Variants in CYB5R3 observed in about 807,000 individuals in gnomAD.
CYB5R3 encodes NADH-cytochrome b5 reductase 3.
CYB5R3 carries 28 observed loss-of-function variants against 36.5 expected under a neutral mutation model. The ratio of observed to expected loss-of-function variants is 0.77; its 90% CI spans 0.57 to 1.05. The LOEUF is 1.05. Among genes scored for constraint, CYB5R3 ranks in the 50% least tolerant of loss-of-function variants. CYB5R3 has a pLI of 0.00. For missense variants in CYB5R3, 474 were observed against 408.9 expected (o/e 1.16, Z -1.37); for synonymous variants, 181 against 159.8 (o/e 1.13, Z -1.00).
intron 7 of CYB5R3, among the ~76,000 whole-genome samples, chr22:42,626,831 G>A (rs137135): frequency 1.2e-4 from 10 of 83,538 alleles, no homozygotes; most frequent in South Asian, 7.7e-4. Context: ...AGGCCAGGGC[G>A]GGCAGGCAGG....
Position 42,630,884 on chromosome 22 carries a change from T to G in CYB5R3, c.331A>C (p.Lys111Gln). 4 of 1,612,102 alleles carry G rather than the reference T, an allele frequency of 2.5e-6. No homozygotes were observed. The highest frequency in any genetic ancestry group is 2.2e-5 in the South Asian group (2 of 90,492). Residue 111 changes from lysine (K) to glutamine (Q), a missense_variant and splice_region_variant, in exon 4 of 9, where the codon AAG becomes CAG. By Grantham distance (53) the Lys-to-Gln change is moderately conservative. Coordinates refer to ENST00000352397, the MANE Select transcript of CYB5R3 (RefSeq NM_000398.7). ...DDKGFVDLVIKVYFKDTHPKF... is the reference protein window; with the variant it reads ...DDKGFVDLVIQVYFKDTHPKF... The stretch of plus-strand genomic sequence containing the variant: ...CAGTCATGACCCAGAGGCTTCACCT[T>G]GATGACCAGGTCCACGAAGCCCTTG...
chr22:42,626,976 C>T (rs1181728712), intron 7 of CYB5R3, among the ~76,000 whole-genome samples: 1 of 152,162 alleles, frequency 6.6e-6, no homozygotes, highest in Non-Finnish European at 1.5e-5. Flanking sequence ...CATGTCCAGG[C>T]CAGCATTCTT....
intron 1 of CYB5R3, chr22:42,644,696 G>A (rs910761260): frequency 2.0e-6 from 2 of 983,054 alleles, no homozygotes; most frequent in Admixed American, 6.2e-5. Context: ...GTGGAATAGA[G>A]TCTAGGGAAA....
chr22:42,629,860 T>G (rs773217216), intron 4 of CYB5R3, among the ~76,000 whole-genome samples: 36 of 152,162 alleles, frequency 2.4e-4, no homozygotes, highest in Admixed American at 1.2e-3. Flanking sequence ...TACAGTAGCA[T>G]GATCTTGGCT....
Position 42,619,822 on chromosome 22 carries a change from G to T in CYB5R3, c.857C>A (p.Pro286His). The T allele has an allele frequency of 6.2e-7, 1 of 1,602,068 alleles. No homozygotes were observed. The highest frequency in any genetic ancestry group is 1.1e-5 in the South Asian group (1 of 88,926). The change falls in exon 9 of 9, where the codon CCC (proline) becomes CAC (histidine). Residue 286 changes from proline to histidine, a missense_variant. Physicochemically the swap from Pro to His is moderately conservative, Grantham distance 77 (BLOSUM62 -2). Coordinates refer to ENST00000352397, the MANE Select transcript of CYB5R3 (RefSeq NM_000398.7). ...PPPMIQYACLPNLDHVGHPTE... is the reference protein window; with the variant it reads ...PPPMIQYACLHNLDHVGHPTE... ...GGGGTGGCCCACGTGGTCCAGGTTG[G>T]GAAGGCAGGCGTACTGGATCATGGG... is the stretch of plus-strand genomic sequence containing the variant.
chr22:42,648,912 C>A (rs1929645700), intron 1 of CYB5R3, among the ~76,000 whole-genome samples: 2 of 152,164 alleles, frequency 1.3e-5, no homozygotes, highest in South Asian at 4.1e-4. Context: ...CACACACATT[C>A]ACTCTCAAGC....
At chr22:42,632,868 A>AAT (rs1928692054) in intron 2 of CYB5R3, 1 of 152,258 alleles carries the variant, frequency 6.6e-6, no homozygotes, top group Non-Finnish European at 1.5e-5. Context: ...CTCTACTAAA[A>AAT]CTACAATGTT....
intron 5 of CYB5R3, 71 bp downstream of exon 5, chr22:42,628,081 G>A: frequency 6.2e-7 from 1 of 1,601,950 alleles, no homozygotes; most frequent in Admixed American, 1.7e-5. Context: ...CCTGCACCCT[G>A]CACCCAGCAC....
chr22:42,648,683 A>C (rs2859030), intron 1 of CYB5R3, among the ~76,000 whole-genome samples: 152,271 of 152,284 alleles, frequency 1, 76,129 homozygotes, highest in Non-Finnish European at 1. Context: ...CCTGGCCTTG[A>C]TGGGAGCCTG....
At position 42,640,196 on chromosome 22, in the gene CYB5R3, A is replaced by T. The variant is rs564579475; in HGVS notation, c.22-3350T>A. ...GTGGTGTAGTACCAAAATGCGGCCA[A>T]TCGAGGCTTCAAGTAAGTCACAGCA... On this transcript the variant is annotated intron_variant, in intron 1 of 8. Coordinates refer to ENST00000352397, the MANE Select transcript of CYB5R3 (RefSeq NM_000398.7). The T allele has an allele frequency of 1.9e-6, 3 of 1,609,144 alleles. No homozygotes were observed. Among genetic ancestry groups the T allele is most frequent in the Middle Eastern group, 3.3e-4 (2 of 6,060 alleles).
intron 1 of CYB5R3, among the ~76,000 whole-genome samples, chr22:42,641,292 C>T (rs1453471406): frequency 6.6e-6 from 1 of 151,988 alleles, no homozygotes; most frequent in African/African-American, 2.4e-5. Context: ...TTTGGGGGAA[C>T]CAGAAGTTAT....
chr22:42,622,511 C>A (rs566875057), intron 8 of CYB5R3, among the ~76,000 whole-genome samples: 4 of 152,152 alleles, frequency 2.6e-5, no homozygotes, highest in Admixed American at 6.5e-5. Flanking sequence ...AGGCCGGACA[C>A]GGTGACAACC....
chr22:42,643,213 T>G (rs543171707), intron 1 of CYB5R3, among the ~76,000 whole-genome samples: 4 of 152,288 alleles, frequency 2.6e-5, no homozygotes, highest in Admixed American at 2.0e-4. Context: ...TGGAGCCACG[T>G]GTCCTGTCTG....
intron 4 of CYB5R3, among the ~76,000 whole-genome samples, chr22:42,629,846 G>A (rs533330946): frequency 6.6e-6 from 1 of 152,244 alleles, no homozygotes; most frequent in East Asian, 1.9e-4. Flanking sequence ...TGCCCAGGCT[G>A]GAGTACAGTA....
chr22:42,634,782 C>T (rs1378211114), intron 2 of CYB5R3, among the ~76,000 whole-genome samples: 1 of 111,760 alleles, frequency 8.9e-6, no homozygotes, highest in Non-Finnish European at 1.8e-5. Flanking sequence ...TCTGCCACCA[C>T]GCCCGGCTAA....
intron 1 of CYB5R3, among the ~76,000 whole-genome samples, chr22:42,642,279 TTTTTTTGTA>T (rs1929319025): frequency 6.6e-6 from 1 of 151,850 alleles, no homozygotes; most frequent in African/African-American, 2.4e-5. Context: ...GCCTTGGTAA[TTTTTTTGTA>T]TTTTTTGTAG....
At chr22:42,641,389 C>T (rs1479219933) in intron 1 of CYB5R3, among the ~76,000 whole-genome samples, 1 of 151,694 alleles carries the variant, frequency 6.6e-6, no homozygotes, top group Non-Finnish European at 1.5e-5. Flanking sequence ...TCACTCCAAC[C>T]TCCGCCTTCT....
intron 2 of CYB5R3, among the ~76,000 whole-genome samples, chr22:42,636,171 C>T (rs1206998840): frequency 8.6e-5 from 13 of 151,906 alleles, no homozygotes; most frequent in African/African-American, 2.7e-4. Context: ...GAGCGGAGAT[C>T]GCACCACTGC....
intron 4 of CYB5R3, among the ~76,000 whole-genome samples, chr22:42,630,580 CCT>C (rs781147111): frequency 5.9e-5 from 9 of 152,342 alleles, no homozygotes; most frequent in East Asian, 1.9e-4. Context: ...AACCCTGGCC[CCT>C]GTTCTCTGCC....
Sources: gnomAD v4.1 joint callset for allele counts (sites outside exome capture counted in the v4.1 genomes callset) on GRCh38, gnomAD v4.1.1 for gene constraint, MANE v1.5 for transcripts, NCBI Gene and HGNC (gene_info 2026-07-23, HGNC 2026-07-21) for gene names.